The following MCF2L variants were observed in gnomAD, a reference collection of about 807,000 sequenced individuals.
MCF2L encodes the protein MCF.2 cell line derived transforming sequence like.
Under a neutral mutation model 153.4 loss-of-function variants are expected in MCF2L, and 97 were observed. The ratio of observed to expected loss-of-function variants is 0.63; its 90% CI spans 0.54 to 0.75. MCF2L has a LOEUF of 0.75. Among genes scored for constraint, MCF2L ranks in the 30% least tolerant of loss-of-function variants. The probability of loss-of-function intolerance (pLI) is 0.00; values close to 1 mark genes in which losing one functional copy is unlikely to be tolerated. For synonymous variants in MCF2L, 659 were observed against 632.2 expected (o/e 1.04, Z -0.64); for missense variants, 1,347 against 1,495.2 (o/e 0.90, Z 1.64).
At chr13:113,036,931 G>A (rs891450594) in intron 3 of MCF2L, among the ~76,000 whole-genome samples, 3 of 152,214 alleles carry the variant, frequency 2.0e-5, no homozygotes, top group African/African-American at 4.8e-5. Flanking sequence ...ATCCAGGAGT[G>A]GCCCGAGAAG....
chr13:112,952,786 T>A (rs952741323), intron 2 of MCF2L, among the ~76,000 whole-genome samples: 1 of 152,204 alleles, frequency 6.6e-6, no homozygotes, highest in African/African-American at 2.4e-5. Flanking sequence ...TAGCATCAGT[T>A]GCATCAGCAC....
At chr13:113,024,789 T>G (rs1205143024) in intron 3 of MCF2L, 31 bp downstream of exon 3, 2 of 1,557,152 alleles carry the variant, frequency 1.3e-6, no homozygotes, top group Admixed American at 3.3e-5. Flanking sequence ...GCAGACATTG[T>G]GGTTTGGGGC....
chr13:112,939,716 G>A (rs1030855736), intron 2 of MCF2L, among the ~76,000 whole-genome samples: 2 of 152,172 alleles, frequency 1.3e-5, no homozygotes, highest in Non-Finnish European at 2.9e-5. Context: ...AGTGGCTCAC[G>A]CCTGTAATCC....
chr13:113,070,396 A>G lies in MCF2L; in HGVS notation c.996+223A>G, dbSNP rs542248605. 5.4e-6 allele frequency: 2 copies of G among 371,090 alleles called. No homozygotes were observed. Among genetic ancestry groups the G allele is most frequent in the South Asian group, 8.1e-5 (2 of 24,642 alleles). 23.0% of individuals were successfully genotyped at this position (371,090 alleles called of 1,614,324 possible). A position where few individuals can be genotyped will look rare whatever the true frequency, so the allele number is the denominator to read the frequency against. ...TCATTGTATAGAAAGGTGATTGAAA[A>G]TCAGCTCACTGGGATGCACTTACAC... On this transcript the variant is annotated intron_variant, in intron 9 of 29. Coordinates refer to ENST00000535094, the MANE Select transcript of MCF2L (RefSeq NM_001112732.3). The surrounding 1 kb of genome is among the most constrained non-coding windows in gnomAD (Gnocchi z 5.6).
At position 112,904,175 on chromosome 13, in the gene MCF2L, TGGGGTAGGGGTAGGTGTTA is replaced by T. The variant is rs2081148456; in HGVS notation, c.169+1818_169+1836del. Among the ~76,000 whole-genome samples, 1 of 145,300 alleles carries T rather than the reference TGGGGTAGGGGTAGGTGTTA, an allele frequency of 6.9e-6. No homozygotes were observed. Among genetic ancestry groups the T allele is most frequent in the Non-Finnish European group, 1.5e-5 (1 of 66,170 alleles). On this transcript the variant is annotated intron_variant, in intron 2 of 29. Transcript: ENST00000375608. This position sits in a 1 kb window ranked among gnomAD's most constrained non-coding sequence, Gnocchi z 4.2. The stretch of plus-strand genomic sequence containing the variant: ...TAAGGTTAGGGTTAGGGGTTGGGAC[TGGGGTAGGGGTAGGTGTTA>T]GGGGTAGGGGTAGCGTTTGGGGTAA...
At chr13:113,086,958 G>A (rs959441450) in intron 21 of MCF2L, among the ~76,000 whole-genome samples, 8 of 152,118 alleles carry the variant, frequency 5.3e-5, no homozygotes, top group African/African-American at 1.9e-4. Flanking sequence ...CTGCGGTTTG[G>A]ACAGGCGTGT....
intron 2 of MCF2L, among the ~76,000 whole-genome samples, chr13:113,022,780 C>T (rs974454474): frequency 2.0e-5 from 3 of 152,208 alleles, no homozygotes; most frequent in African/African-American, 4.8e-5. Flanking sequence ...ACCGCGGCGG[C>T]GGCTGAGGGG....
At chr13:113,049,201 AGTG>A (rs1339960902) in intron 4 of MCF2L, among the ~76,000 whole-genome samples, 1 of 152,198 alleles carries the variant, frequency 6.6e-6, no homozygotes, top group Non-Finnish European at 1.5e-5. Flanking sequence ...GGAGGCGGGC[AGTG>A]GTGGCACTGT....
Position 113,070,196 on chromosome 13 carries a change from G to C in MCF2L, c.996+23G>C. 6.6e-7 allele frequency: 1 copy of C among 1,515,396 alleles called. No homozygotes were observed. The allele number at this position is 1,515,396 out of a possible 1,614,324, so 93.9% of individuals were successfully genotyped here. ...GAGGTGAGTGGCCCTGGGTGGAGCC[G>C]GCAGCCGCCCTGATGCTCACGGGGC... On this transcript the variant is annotated intron_variant, in intron 9 of 29. Coordinates refer to ENST00000535094, the MANE Select transcript of MCF2L (RefSeq NM_001112732.3). The surrounding 1 kb of genome is among the most constrained non-coding windows in gnomAD (Gnocchi z 5.6).
chr13:112,931,214 A>T (rs2081459474), intron 2 of MCF2L, among the ~76,000 whole-genome samples: 1 of 152,202 alleles, frequency 6.6e-6, no homozygotes, highest in Admixed American at 6.5e-5. Flanking sequence ...CTGAAGATGC[A>T]TGAAACCGCC....
At chr13:112,953,246 G>C (rs1049362097) in intron 2 of MCF2L, among the ~76,000 whole-genome samples, 3 of 152,236 alleles carry the variant, frequency 2.0e-5, no homozygotes, top group African/African-American at 7.2e-5. Flanking sequence ...ATGTGGGGAA[G>C]CTCTGGCCAT....
chr13:113,020,349 C>T (rs1431097260), intron 2 of MCF2L, among the ~76,000 whole-genome samples: 1 of 152,212 alleles, frequency 6.6e-6, no homozygotes. Context: ...ACGTGTGAGT[C>T]GTCACACCCT....
At chr13:113,036,235 G>A (rs1036128685) in intron 3 of MCF2L, among the ~76,000 whole-genome samples, 23 of 152,186 alleles carry the variant, frequency 1.5e-4, no homozygotes, top group African/African-American at 4.8e-4. Flanking sequence ...TGAGAATGAC[G>A]CCACCATTCT....
intron 3 of MCF2L, among the ~76,000 whole-genome samples, chr13:113,025,201 T>C (rs1290315410): frequency 1.8e-5 from 2 of 108,146 alleles, no homozygotes; most frequent in Admixed American, 9.3e-5. Flanking sequence ...GGTTTCCCCA[T>C]TGTGGGGTCC....
chr13:112,898,706 G>A (rs556900159), intron 1 of MCF2L, among the ~76,000 whole-genome samples: 2 of 152,186 alleles, frequency 1.3e-5, no homozygotes, highest in Admixed American at 6.5e-5. Flanking sequence ...AAGCCCAGAC[G>A]GCCTCCCTGC....
At position 113,077,133 on chromosome 13, in the gene MCF2L, G is replaced by A. The variant is rs1391534597; in HGVS notation, c.1582G>A (p.Ala528Thr). The A allele has an allele frequency of 6.2e-6, 10 of 1,612,548 alleles. No individual in the cohort carries two copies. Among genetic ancestry groups the A allele is most frequent in the Non-Finnish European group, 7.6e-6 (9 of 1,179,818 alleles). The change falls in exon 13 of 30, where the codon GCG (alanine) becomes ACG (threonine). Residue 528 changes from alanine to threonine, a missense_variant. Ala to Thr is a moderately conservative substitution (Grantham distance 58). Around this residue, in one of 3 missense-constraint regions of MCF2L, gnomAD observed 820 missense variants for 921.2 expected, o/e 0.89. Transcript: ENST00000535094. ...HRRQASLKKL[A>T]ARQTRPVQPV... ...CAGGCAGGCCAGCCTGAAGAAGCTG[G>A]CGGCCAGGCAGACGCGGCCCGTGCA...
chr13:112,985,825 A>G (rs1449976814), intron 1 of MCF2L, among the ~76,000 whole-genome samples: 1 of 152,044 alleles, frequency 6.6e-6, no homozygotes, highest in African/African-American at 2.4e-5. Flanking sequence ...TCCCGGGGCC[A>G]TGGCTGCAGG....
intron 2 of MCF2L, among the ~76,000 whole-genome samples, chr13:112,905,130 G>A (rs907850009): frequency 2.6e-5 from 4 of 152,208 alleles, no homozygotes; most frequent in African/African-American, 7.2e-5. Flanking sequence ...AAACGAGCAC[G>A]TAAATAAAGG....
intron 3 of MCF2L, among the ~76,000 whole-genome samples, chr13:113,036,577 G>A (rs755383572): frequency 1.5e-4 from 23 of 152,366 alleles, no homozygotes; most frequent in Non-Finnish European, 1.3e-4. Context: ...GGGCAAGTGC[G>A]GGGTGGGTGA....
Sources: allele counts gnomAD v4.1 joint callset (sites outside exome capture counted in the v4.1 genomes callset), GRCh38; gene constraint gnomAD v4.1.1; regional missense constraint gnomAD v4.1.1; non-coding constraint Gnocchi (gnomAD v3.1); transcripts MANE v1.5; gene names NCBI Gene and HGNC (gene_info 2026-07-23, HGNC 2026-07-21).